REPS1: variants seen among roughly 807,000 people sequenced by gnomAD.
REPS1 encodes the protein RALBP1 associated Eps domain containing 1, also known as ralBP1-associated Eps domain-containing protein 1.
REPS1 carries 39 observed loss-of-function variants against 100.9 expected under a neutral mutation model. The ratio of observed to expected loss-of-function variants is 0.39; its 90% CI spans 0.30 to 0.50. The LOEUF is 0.50. Among genes scored for constraint, REPS1 ranks in the 20% least tolerant of loss-of-function variants. REPS1 has a pLI of 0.86. For synonymous variants in REPS1, 324 were observed against 340.3 expected (o/e 0.95, Z 0.53); for missense variants, 821 against 968.5 (o/e 0.85, Z 2.02).
chr6:138,980,448 CT>C (rs1282816694), intron 1 of REPS1, among the ~76,000 whole-genome samples: 1 of 152,148 alleles, frequency 6.6e-6, no homozygotes, highest in African/African-American at 2.4e-5. Context: ...CCATTCTCCC[CT>C]CTTGTCCACA....
At chr6:138,961,012 C>G (rs532281616) in intron 1 of REPS1, among the ~76,000 whole-genome samples, 37 of 152,236 alleles carry the variant, frequency 2.4e-4, no homozygotes, top group Non-Finnish European at 5.9e-5. Flanking sequence ...AGGCCCACTT[C>G]CTTCATTTTC....
intron 1 of REPS1, among the ~76,000 whole-genome samples, chr6:138,967,418 A>G (rs2128497719): frequency 6.6e-6 from 1 of 152,360 alleles, no homozygotes; most frequent in Admixed American, 6.5e-5. Context: ...GAAATCAAAT[A>G]TACAAGAAGT....
intron 1 of REPS1, among the ~76,000 whole-genome samples, chr6:138,949,558 T>C (rs1317359457): frequency 1.3e-5 from 2 of 152,054 alleles, no homozygotes; most frequent in East Asian, 1.9e-4. Flanking sequence ...GAAACCCATG[T>C]CTACTAAAAA....
chr6:138,941,936 TGGCACGATCTCG>T (rs1562538492), intron 7 of REPS1, among the ~76,000 whole-genome samples: 1 of 152,250 alleles, frequency 6.6e-6, no homozygotes, highest in Non-Finnish European at 1.5e-5. Context: ...TGGAGTGCAG[TGGCACGATCTCG>T]GCCCACTGCA....
At chr6:138,981,439 G>A (rs956807651) in intron 1 of REPS1, among the ~76,000 whole-genome samples, 9 of 152,066 alleles carry the variant, frequency 5.9e-5, no homozygotes, top group Non-Finnish European at 1.2e-4. Context: ...ACCTATATAA[G>A]GGAAAACATC....
chr6:138,911,701 G>T (rs1780019324), intron 16 of REPS1, among the ~76,000 whole-genome samples: 1 of 151,678 alleles, frequency 6.6e-6, no homozygotes, highest in African/African-American at 2.4e-5. Flanking sequence ...GGTAATAGAT[G>T]TGTGAGGGAG....
At chr6:138,984,980 C>T (rs952262307) in intron 1 of REPS1, among the ~76,000 whole-genome samples, 2 of 152,174 alleles carry the variant, frequency 1.3e-5, no homozygotes, top group African/African-American at 4.8e-5. Flanking sequence ...CAATCCAGAC[C>T]ACTGAAAGAG....
At chr6:138,905,349 T>C (rs1582686234) in intron 19 of REPS1, among the ~76,000 whole-genome samples, 3 of 152,326 alleles carry the variant, frequency 2.0e-5, no homozygotes, top group Non-Finnish European at 2.9e-5. Context: ...CGGACTGCAA[T>C]GGCGCAATCT....
chr6:138,969,921 A>G (rs993797094), intron 1 of REPS1, among the ~76,000 whole-genome samples: 1 of 130,314 alleles, frequency 7.7e-6, no homozygotes, highest in African/African-American at 3.0e-5. Context: ...AAGAATGGGC[A>G]GTTTTTTGGT....
chr6:138,917,550 C>G lies in REPS1; in HGVS notation c.1601+5G>C. On this transcript the variant is annotated splice_donor_5th_base_variant and intron_variant, in intron 13 of 19. Coordinates refer to ENST00000450536, the MANE Select transcript of REPS1 (RefSeq NM_001286611.2). ...AACATGCTTTTCATTGACAGAAATA[C>G]TGACCTTTGACGAGTTACATTGCTC... 6.2e-7 allele frequency: 1 copy of G among 1,608,276 alleles called. No homozygotes were observed. Among genetic ancestry groups the G allele is most frequent in the Non-Finnish European group, 8.5e-7 (1 of 1,174,856 alleles).
At chr6:138,930,152 T>C in intron 8 of REPS1, 54 bp from the exon 9 acceptor site, 1 of 1,482,520 alleles carries the variant, frequency 6.7e-7, no homozygotes, top group Non-Finnish European at 9.3e-7. Context: ...TAGTTTATTT[T>C]AGGCATATTT....
Position 138,926,381 on chromosome 6 carries a change from A to G in REPS1, c.1338+20T>C. The G allele has an allele frequency of 6.4e-7, 1 of 1,568,580 alleles. No individual in the cohort carries two copies. Among genetic ancestry groups the G allele is most frequent in the Non-Finnish European group, 8.8e-7 (1 of 1,140,318 alleles). ...TTAATAAAATTAATCTCAAACAAGC[A>G]AGCTAAGTGATTGACTTACAGGATC... On this transcript the variant is annotated intron_variant, in intron 10 of 19. Coordinates refer to ENST00000450536, the MANE Select transcript of REPS1 (RefSeq NM_001286611.2).
Position 138,987,898 on chromosome 6 carries a change from G to C in REPS1, c.-216C>G, listed in dbSNP as rs1785372254. ...GCGCTCGCCGCGCCGCTGCCTGCGA[G>C]GCCCGGCGCGCGGCTGCGGCTGCGG... On this transcript the variant is annotated 5_prime_UTR_variant, in exon 1 of 20. Transcript: ENST00000450536. 1 of 419,362 alleles carries C rather than the reference G, an allele frequency of 2.4e-6. No homozygotes were observed. The allele number at this position is 419,362 out of a possible 1,614,324, so 26.0% of individuals were successfully genotyped here. A position where few individuals can be genotyped will look rare whatever the true frequency, so the allele number is the denominator to read the frequency against.
At chr6:138,940,896 G>C (rs2698742) in intron 8 of REPS1, among the ~76,000 whole-genome samples, 16 of 152,172 alleles carry the variant, frequency 1.1e-4, no homozygotes, top group African/African-American at 3.4e-4. Context: ...AGGAGAGAGC[G>C]TGGTATTTTA....
chr6:138,949,010 A>G (rs1782819341), intron 1 of REPS1, among the ~76,000 whole-genome samples: 1 of 152,214 alleles, frequency 6.6e-6, no homozygotes, highest in Non-Finnish European at 1.5e-5. Flanking sequence ...CAAAGAGAAT[A>G]AACAGGCAGG....
intron 12 of REPS1, among the ~76,000 whole-genome samples, chr6:138,917,870 C>G (rs1409286316): frequency 2.0e-5 from 3 of 152,092 alleles, no homozygotes; most frequent in African/African-American, 7.2e-5. Context: ...CTTAATGATG[C>G]AGAAATATTC....
At chr6:138,956,814 A>G (rs1364290492) in intron 1 of REPS1, among the ~76,000 whole-genome samples, 1 of 151,956 alleles carries the variant, frequency 6.6e-6, no homozygotes, top group Non-Finnish European at 1.5e-5. Flanking sequence ...ACAAACAGAA[A>G]AAAAAAACCA....
intron 1 of REPS1, among the ~76,000 whole-genome samples, chr6:138,981,479 A>C (rs57440139): frequency 0.056 from 8,519 of 152,256 alleles, 436 homozygotes; most frequent in East Asian, 0.16. Context: ...ACCCATTTCA[A>C]ATTCTCACGA....
At chr6:138,929,153 AAAGAAAAAAAAT>A (rs1781330145) in intron 9 of REPS1, 1 of 152,226 alleles carries the variant, frequency 6.6e-6, no homozygotes, top group Admixed American at 6.5e-5. Context: ...CATGCTACAA[AAAGAAAAAAAAT>A]AAGAAAAAAA....
Sources: gnomAD v4.1 joint callset for allele counts (sites outside exome capture counted in the v4.1 genomes callset) on GRCh38, gnomAD v4.1.1 for gene constraint, MANE v1.5 for transcripts, NCBI Gene and HGNC (gene_info 2026-07-23, HGNC 2026-07-21) for gene names.